Variants in BPIFC observed in about 807,000 individuals in gnomAD.
BPIFC encodes BPI fold containing family C, also known as BPI fold-containing family C protein.
A neutral mutation model predicts 57.6 loss-of-function variants in BPIFC; 60 were observed. The ratio of observed to expected loss-of-function variants is 1.04; its 90% confidence interval spans 0.85 to 1.29. The LOEUF is 1.29. BPIFC is among the 50% of genes most tolerant of loss of function. BPIFC has a pLI of 0.00. For synonymous variants in BPIFC, 243 were observed against 224.5 expected (o/e 1.08, Z -0.74); for missense variants, 581 against 600.5 (o/e 0.97, Z 0.34).
chr22:32,433,512 C>T (rs1432397905), intron 11 of BPIFC, among the ~76,000 whole-genome samples: 2 of 152,136 alleles, frequency 1.3e-5, no homozygotes, highest in South Asian at 2.1e-4. Flanking sequence ...ATTTTGTGAA[C>T]TTACAATTAT....
At chr22:32,446,519 A>G (rs1195669056) in intron 5 of BPIFC, among the ~76,000 whole-genome samples, 1 of 152,224 alleles carries the variant, frequency 6.6e-6, no homozygotes, top group Non-Finnish European at 1.5e-5. Flanking sequence ...ACATGAATCT[A>G]TGTTGCTGTG....
rs183645369 is a variant in BPIFC at position 32,417,396 on chromosome 22, G to T, written c.1261-248C>A. On this transcript the variant is annotated intron_variant, in intron 14 of 16. Transcript: ENST00000300399. Reference sequence around the variant, plus strand: ...TCTCACTATGTTGCCCAGTCTCAAAGTCCTGGGCTCAAGCAAACCTCCAAT... The same window carrying T: ...TCTCACTATGTTGCCCAGTCTCAAATTCCTGGGCTCAAGCAAACCTCCAAT... Among the ~76,000 whole-genome samples the T allele has an allele frequency of 2.1e-3, 326 of 151,958 alleles. 2 individuals carry two copies. Among genetic ancestry groups the T allele is most frequent in the Admixed American group, 6.4e-3 (98 of 15,258 alleles).
chr22:32,435,557 A>T, intron 10 of BPIFC, 147 bp downstream of exon 10: 1 of 774,326 alleles, frequency 1.3e-6, no homozygotes, highest in Non-Finnish European at 2.0e-6. Flanking sequence ...TCACTCCACA[A>T]TTCCCTCATT....
chr22:32,414,869 G>A (rs1242745247), intron 16 of BPIFC, among the ~76,000 whole-genome samples: 1 of 152,166 alleles, frequency 6.6e-6, no homozygotes, highest in African/African-American at 2.4e-5. Context: ...CTTTGTGAAT[G>A]CCCCAGAGAA....
chr22:32,445,665 C>T lies in BPIFC; in HGVS notation c.564G>A (p.Glu188=). 3 of 1,589,786 alleles carry T rather than the reference C, an allele frequency of 1.9e-6. No individual in the cohort carries two copies. In the South Asian group the frequency reaches 3.3e-5, roughly 18 times the overall value. ...CATTTAAGTTCTTTAAAATGGGTTT[C>T]TCCATGGGCTCAGCAAAGGAGTTAT... ...VLYNSFAEPM[E]KPILKNLNEM... Residue 188 remains glutamate, a synonymous_variant, in exon 7 of 17, where the codon GAG becomes GAA. Transcript: ENST00000300399.
At chr22:32,429,509 G>GT (rs780948561) in intron 13 of BPIFC, among the ~76,000 whole-genome samples, 2,387 of 56,644 alleles carry the variant, frequency 0.042, 321 homozygotes, top group Non-Finnish European at 0.05. Context: ...ACTGGCCTTT[G>GT]TTTTTTTTTT....
At chr22:32,446,088 A>G (rs1253989078) in intron 5 of BPIFC, 92 bp from the exon 6 acceptor site, 4 of 1,436,270 alleles carry the variant, frequency 2.8e-6, no homozygotes, top group Non-Finnish European at 3.8e-6. Context: ...AAGCTCCTGG[A>G]CTGCAGTGAC....
chr22:32,437,245 T>G (rs1452508763), intron 9 of BPIFC, among the ~76,000 whole-genome samples: 1 of 152,218 alleles, frequency 6.6e-6, no homozygotes, highest in East Asian at 1.9e-4. Flanking sequence ...ATACAATCAT[T>G]TGCTTATCAA....
intron 3 of BPIFC, among the ~76,000 whole-genome samples, chr22:32,456,292 C>T (rs1935035371): frequency 6.6e-6 from 1 of 152,208 alleles, no homozygotes; most frequent in Admixed American, 6.5e-5. Flanking sequence ...GTCCACATAA[C>T]ATTTGTGCAA....
chr22:32,421,213 T>A (rs1461151603), intron 13 of BPIFC, among the ~76,000 whole-genome samples: 1 of 152,188 alleles, frequency 6.6e-6, no homozygotes, highest in Non-Finnish European at 1.5e-5. Flanking sequence ...CAAGAGCTGA[T>A]CCATAAGTAG....
At chr22:32,416,320 T>TAA (rs1933676241) in intron 15 of BPIFC, among the ~76,000 whole-genome samples, 1 of 152,078 alleles carries the variant, frequency 6.6e-6, no homozygotes, top group Non-Finnish European at 1.5e-5. Flanking sequence ...TGACCTCAGG[T>TAA]GATTCGCCTG....
In BPIFC at chr22:32,416,001, A is replaced by G; in HGVS notation, c.1325-10T>C. On this transcript the variant is annotated splice_polypyrimidine_tract_variant and intron_variant, in intron 15 of 16. Transcript: ENST00000300399. ...CCTTGCTGCAATTTTGCTAAAATATAGAACAAGACGTAAAACAATTGGGCA... is the reference window on the plus strand; with the variant it reads ...CCTTGCTGCAATTTTGCTAAAATATGGAACAAGACGTAAAACAATTGGGCA... 6.4e-7 allele frequency: 1 copy of G among 1,556,656 alleles called. No individual in the cohort carries two copies. The highest frequency in any genetic ancestry group is 8.7e-7 in the Non-Finnish European group (1 of 1,145,212).
chr22:32,418,920 T>C (rs999932116), intron 14 of BPIFC, among the ~76,000 whole-genome samples: 10 of 152,024 alleles, frequency 6.6e-5, no homozygotes, highest in Non-Finnish European at 1.5e-4. Flanking sequence ...AAGGTATCCA[T>C]ACAAGCAGCA....
intron 2 of BPIFC, among the ~76,000 whole-genome samples, chr22:32,457,993 C>A (rs1183607033): frequency 6.6e-6 from 1 of 152,182 alleles, no homozygotes; most frequent in East Asian, 1.9e-4. Flanking sequence ...TCGGCCATTG[C>A]TCCTTTCTGG....
intron 13 of BPIFC, among the ~76,000 whole-genome samples, chr22:32,425,249 A>G (rs1450260491): frequency 6.6e-6 from 1 of 152,168 alleles, no homozygotes; most frequent in Non-Finnish European, 1.5e-5. Flanking sequence ...AAACTGTAAA[A>G]TGGGGATAAT....
At chr22:32,440,525 A>AG (rs1298467469) in intron 8 of BPIFC, among the ~76,000 whole-genome samples, 2 of 152,186 alleles carry the variant, frequency 1.3e-5, no homozygotes, top group Non-Finnish European at 2.9e-5. Flanking sequence ...AGGAACTCAT[A>AG]GTCTTGGGGA....
intron 13 of BPIFC, among the ~76,000 whole-genome samples, chr22:32,425,041 C>G (rs1244691837): frequency 6.6e-6 from 1 of 152,080 alleles, no homozygotes; most frequent in Non-Finnish European, 1.5e-5. Flanking sequence ...CTCGGCCTCC[C>G]AAAGTGCTGA....
intron 11 of BPIFC, among the ~76,000 whole-genome samples, chr22:32,433,140 T>C (rs1485684735): frequency 6.6e-6 from 1 of 152,148 alleles, no homozygotes; most frequent in African/African-American, 2.4e-5. Flanking sequence ...GAGGCGGATA[T>C]TGCAGTGAGC....
intron 3 of BPIFC, among the ~76,000 whole-genome samples, chr22:32,454,357 G>C (rs1276737839): frequency 1.3e-5 from 2 of 152,158 alleles, no homozygotes; most frequent in African/African-American, 4.8e-5. Flanking sequence ...GTGCATATGT[G>C]TCTCGTTTTT....
Sources: allele counts gnomAD v4.1 joint callset (sites outside exome capture counted in the v4.1 genomes callset), GRCh38; gene constraint gnomAD v4.1.1; transcripts MANE v1.5; gene names NCBI Gene and HGNC (gene_info 2026-07-23, HGNC 2026-07-21).